The following ENTREP2 variants were observed in gnomAD, a reference collection of about 807,000 sequenced individuals.
The protein encoded by ENTREP2 is protein ENTREP2.
the ENTREP2 span, among the ~76,000 whole-genome samples, chr15:29,464,479 G>A: frequency 3.3e-5 from 5 of 152,138 alleles, no homozygotes; most frequent in Non-Finnish European, 7.3e-5. Flanking sequence ...TCAAATCATG[G>A]AAGCTACACA....
the ENTREP2 span, among the ~76,000 whole-genome samples, chr15:29,320,889 C>T: frequency 5.4e-4 from 82 of 152,136 alleles, no homozygotes; most frequent in South Asian, 0.017. Context: ...CACTCAAGAA[C>T]AGTTGTATAA....
chr15:29,385,250 T>TA, the ENTREP2 span, among the ~76,000 whole-genome samples: 3 of 152,232 alleles, frequency 2.0e-5, no homozygotes, highest in African/African-American at 7.2e-5. Context: ...CTACTCCACC[T>TA]ACTTCTAAGC....
At chr15:29,234,703 A>G in the ENTREP2 span, 8 of 1,530,056 alleles carry the variant, frequency 5.2e-6, no homozygotes, top group Admixed American at 3.3e-5. Flanking sequence ...TCATAATCTC[A>G]TAAGTAGTTC....
chr15:29,436,856 C>T, the ENTREP2 span, among the ~76,000 whole-genome samples: 1 of 152,140 alleles, frequency 6.6e-6, no homozygotes, highest in Non-Finnish European at 1.5e-5. Context: ...ACGGAATTTC[C>T]AACGATGTTA....
chr15:29,207,368 G>T, the ENTREP2 span, among the ~76,000 whole-genome samples: 2 of 145,624 alleles, frequency 1.4e-5, no homozygotes, highest in African/African-American at 5.0e-5. Flanking sequence ...CGAACCCAAA[G>T]AGTGAGTGAT....
At chr15:29,393,786 C>T in the ENTREP2 span, among the ~76,000 whole-genome samples, 1 of 151,854 alleles carries the variant, frequency 6.6e-6, no homozygotes, top group Non-Finnish European at 1.5e-5. Flanking sequence ...AAATATGAAA[C>T]TTTATTTAGC....
chr15:29,292,116 C>G, the ENTREP2 span, among the ~76,000 whole-genome samples: 8 of 152,076 alleles, frequency 5.3e-5, no homozygotes, highest in African/African-American at 1.9e-4. Context: ...TCTGCATAAC[C>G]CAAAGAATAC....
chr15:29,303,599 A>C, the ENTREP2 span, among the ~76,000 whole-genome samples: 1 of 152,092 alleles, frequency 6.6e-6, no homozygotes. Flanking sequence ...CAGGTGATTA[A>C]GCACAGTACC....
chr15:29,224,804 C>A, the ENTREP2 span, among the ~76,000 whole-genome samples: 1 of 152,214 alleles, frequency 6.6e-6, no homozygotes, highest in Non-Finnish European at 1.5e-5. Flanking sequence ...CACTCCTTAG[C>A]CCTTGGGTGG....
the ENTREP2 span, among the ~76,000 whole-genome samples, chr15:29,533,425 G>A: frequency 1.3e-5 from 2 of 152,222 alleles, no homozygotes; most frequent in Non-Finnish European, 2.9e-5. Flanking sequence ...GCAATAGCTT[G>A]AAAAGTGACC....
At chr15:29,430,419 C>G in the ENTREP2 span, among the ~76,000 whole-genome samples, 1 of 152,204 alleles carries the variant, frequency 6.6e-6, no homozygotes, top group Non-Finnish European at 1.5e-5. Flanking sequence ...CCTGGTGTGT[C>G]TTCTCCAAAG....
chr15:29,164,336 C>G, the ENTREP2 span, among the ~76,000 whole-genome samples: 1 of 152,202 alleles, frequency 6.6e-6, no homozygotes, highest in African/African-American at 2.4e-5. Context: ...TACCTCACAT[C>G]TCAATTCCAA....
the ENTREP2 span, among the ~76,000 whole-genome samples, chr15:29,652,213 G>A: frequency 2.0e-5 from 3 of 152,156 alleles, no homozygotes; most frequent in African/African-American, 7.2e-5. Context: ...AAGAGCTGTG[G>A]AAATGACAGG....
chr15:29,191,485 G>A, the ENTREP2 span, among the ~76,000 whole-genome samples: 1 of 151,964 alleles, frequency 6.6e-6, no homozygotes, highest in Non-Finnish European at 1.5e-5. Flanking sequence ...GGATAAAAAC[G>A]AAGACACAAG....
chr15:29,651,805 G>A, the ENTREP2 span, among the ~76,000 whole-genome samples: 1 of 152,254 alleles, frequency 6.6e-6, no homozygotes, highest in Non-Finnish European at 1.5e-5. Context: ...GGAAGCCAAG[G>A]AGGGGCTGAG....
At chr15:29,155,785 A>G in the ENTREP2 span, among the ~76,000 whole-genome samples, 23 of 152,236 alleles carry the variant, frequency 1.5e-4, no homozygotes, top group Non-Finnish European at 2.4e-4. Context: ...AGGGTTCTTC[A>G]TTGCCTGATA....
the ENTREP2 span, among the ~76,000 whole-genome samples, chr15:29,310,632 C>T: frequency 3.9e-5 from 6 of 152,120 alleles, no homozygotes; most frequent in Non-Finnish European, 7.4e-5. Flanking sequence ...AAGAATTGTC[C>T]GGGCCAAGCC....
the ENTREP2 span, among the ~76,000 whole-genome samples, chr15:29,378,558 G>A: frequency 2.0e-5 from 3 of 152,164 alleles, no homozygotes; most frequent in African/African-American, 7.2e-5. Flanking sequence ...GTGGAAAGAA[G>A]AGAAAATGAC....
At chr15:29,435,696 A>G in the ENTREP2 span, among the ~76,000 whole-genome samples, 1 of 152,016 alleles carries the variant, frequency 6.6e-6, no homozygotes, top group East Asian at 1.9e-4. Flanking sequence ...ATATATATGT[A>G]TATATATACA....
Sources: gnomAD v4.1 joint callset for allele counts (sites outside exome capture counted in the v4.1 genomes callset) on GRCh38, gnomAD v4.1.1 for gene constraint, MANE v1.5 for transcripts, NCBI Gene and HGNC (gene_info 2026-07-23, HGNC 2026-07-21) for gene names.